Variants in ANKS1A observed in about 807,000 individuals in gnomAD.
ANKS1A encodes ankyrin repeat and sterile alpha motif domain containing 1A, also known as ankyrin repeat and SAM domain-containing protein 1A.
A neutral mutation model predicts 120.3 loss-of-function variants in ANKS1A; 55 were observed. The observed-to-expected ratio is 0.46, with a 90% confidence interval of 0.37 to 0.57. The LOEUF (loss-of-function observed/expected upper bound fraction) is 0.57, where lower values mean the gene tolerates loss of function less well. Ranked by LOEUF, ANKS1A falls within the 20% of genes least tolerant of loss-of-function variation. The pLI is 0.00. For synonymous variants in ANKS1A, 590 were observed against 604.7 expected, an observed-to-expected ratio of 0.98 and a Z score of 0.36; for missense variants, 1,123 against 1,480.3, an observed-to-expected ratio of 0.76 and a Z score of 3.96.
intron 13 of ANKS1A, 51 bp from the exon 14 acceptor site, chr6:35,078,507 C>T (rs1371888383): frequency 1.9e-6 from 3 of 1,567,994 alleles, no homozygotes; most frequent in Admixed American, 3.3e-5. Flanking sequence ...CCCTCAGGGC[C>T]ACCAGCCATC....
intron 1 of ANKS1A, among the ~76,000 whole-genome samples, chr6:34,938,788 G>A (rs1269696975): frequency 6.6e-6 from 1 of 152,144 alleles, no homozygotes; most frequent in Non-Finnish European, 1.5e-5. Flanking sequence ...AGGAGTTCAA[G>A]ACCAGCCTGG....
intron 1 of ANKS1A, among the ~76,000 whole-genome samples, chr6:34,906,867 C>T (rs1561840177): frequency 1.3e-5 from 2 of 152,218 alleles, no homozygotes; most frequent in African/African-American, 4.8e-5. Context: ...GACTTAGAAA[C>T]TGGCGTCCAA....
At chr6:35,053,612 A>G (rs1308998283) in intron 11 of ANKS1A, among the ~76,000 whole-genome samples, 1 of 152,234 alleles carries the variant, frequency 6.6e-6, no homozygotes, top group Non-Finnish European at 1.5e-5. Context: ...GCTTGTGGTC[A>G]TACAGTATCA....
At chr6:34,938,569 A>G (rs1308671046) in intron 1 of ANKS1A, among the ~76,000 whole-genome samples, 1 of 152,206 alleles carries the variant, frequency 6.6e-6, no homozygotes, top group Non-Finnish European at 1.5e-5. Context: ...TATTTTGGTC[A>G]AATTTGAACT....
rs1777929717 is a variant in ANKS1A, at chr6:35,085,716, T to G, written c.3133-50T>G. 1 of 1,531,592 alleles carries G rather than the reference T, an allele frequency of 6.5e-7. No homozygotes were observed. The allele number at this position is 1,531,592 out of a possible 1,614,324, so 94.9% of individuals were successfully genotyped here. A position where few individuals can be genotyped will look rare whatever the true frequency, so the allele number is the denominator to read the frequency against. ...CCTGCGAGGAAGGGCATATCCAGTG[T>G]GAAGCGGCTCCTGAACCAGGTGCTT... On this transcript the variant is annotated intron_variant, in intron 21 of 23. Coordinates refer to ENST00000360359, the MANE Select transcript of ANKS1A (RefSeq NM_015245.3). The surrounding 1 kb of genome is among the most constrained non-coding windows in gnomAD (Gnocchi z 4.7).
chr6:34,897,437 A>G (rs566340098), intron 1 of ANKS1A, among the ~76,000 whole-genome samples: 1 of 152,358 alleles, frequency 6.6e-6, no homozygotes, highest in South Asian at 2.1e-4. Flanking sequence ...TCATAGGGAA[A>G]GTAAATTACT....
In ANKS1A at chr6:34,889,351, C is replaced by A; in HGVS notation, c.-52C>A. ...GAGACGGAAAGTTTGGGAGCCCGAGCAGGCTCGGCTGCAGCCTCGGGGAGG... is the reference window on the plus strand; with the variant it reads ...GAGACGGAAAGTTTGGGAGCCCGAGAAGGCTCGGCTGCAGCCTCGGGGAGG... On this transcript the variant is annotated 5_prime_UTR_variant, in exon 1 of 24. Transcript: ENST00000360359. This position sits in a 1 kb window ranked among gnomAD's most constrained non-coding sequence, Gnocchi z 5.5. The A allele has an allele frequency of 1.6e-6, 2 of 1,239,606 alleles. No individual in the cohort carries two copies. Among genetic ancestry groups the A allele is most frequent in the Non-Finnish European group, 1.0e-6 (1 of 992,618 alleles). The allele number at this position is 1,239,606 out of a possible 1,614,324, so 76.8% of individuals were successfully genotyped here.
chr6:34,949,258 G>A (rs2127491396), intron 1 of ANKS1A, among the ~76,000 whole-genome samples: 1 of 152,302 alleles, frequency 6.6e-6, no homozygotes, highest in East Asian at 1.9e-4. Context: ...AGAACAGCCT[G>A]TACCAAGAGA....
At chr6:34,900,552 G>A (rs1480960270) in intron 1 of ANKS1A, among the ~76,000 whole-genome samples, 1 of 152,018 alleles carries the variant, frequency 6.6e-6, no homozygotes, top group African/African-American at 2.4e-5. Context: ...CAGCCTCCCA[G>A]AGTGTTAGAA....
At chr6:35,014,025 A>G (rs1243823904) in intron 10 of ANKS1A, among the ~76,000 whole-genome samples, 5 of 152,232 alleles carry the variant, frequency 3.3e-5, no homozygotes, top group Admixed American at 6.5e-5. Context: ...CCCCCAATTA[A>G]GATCCCAGAA....
At chr6:35,095,141 CA>C (rs34813964), downstream of ANKS1A, among the ~76,000 whole-genome samples, 19,072 of 81,166 alleles carry the variant, frequency 0.23, 1,207 homozygotes, top group African/African-American at 0.37. Flanking sequence ...ACCCCCATCT[CA>C]AAAAAAAAAA....
chr6:34,931,789 A>G (rs1388747559), intron 1 of ANKS1A, among the ~76,000 whole-genome samples: 1 of 152,204 alleles, frequency 6.6e-6, no homozygotes, highest in Non-Finnish European at 1.5e-5. Context: ...AGATGAACAC[A>G]TAGGTTGGCT....
rs1776280859 is a variant in ANKS1A at position 35,057,623 on chromosome 6, C to G, written c.2078-2524C>G. 1.3e-5 allele frequency among the ~76,000 whole-genome samples: 2 copies of G among 152,224 alleles called. No individual in the cohort carries two copies. The highest frequency in any genetic ancestry group is 1.3e-4 in the Admixed American group (2 of 15,290). On this transcript the variant is annotated intron_variant, in intron 12 of 23. Transcript: ENST00000360359. The surrounding 1 kb of genome is among the most constrained non-coding windows in gnomAD (Gnocchi z 4.1). ...CTTGGGATTTGGCCCTGGTTTCCCC[C>G]TTGCCCTTGGCCATCGCTGTCCTCC...
chr6:34,933,589 C>T (rs898420816), intron 1 of ANKS1A, among the ~76,000 whole-genome samples: 1 of 152,336 alleles, frequency 6.6e-6, no homozygotes, highest in South Asian at 2.1e-4. Context: ...AGGCTAGTTG[C>T]AAACTCCCGA....
At position 35,057,187 on chromosome 6, in the gene ANKS1A, C is replaced by T. The variant is rs1186912553; in HGVS notation, c.2078-2960C>T. 3.3e-5 allele frequency among the ~76,000 whole-genome samples: 5 copies of T among 152,104 alleles called. No individual in the cohort carries two copies. The highest frequency in any genetic ancestry group is 1.5e-5 in the Non-Finnish European group (1 of 68,028). On this transcript the variant is annotated intron_variant, in intron 12 of 23. Coordinates refer to ENST00000360359, the MANE Select transcript of ANKS1A (RefSeq NM_015245.3). This position sits in a 1 kb window ranked among gnomAD's most constrained non-coding sequence, Gnocchi z 4.1. ...AGTCTCAGTTCTGTTTTTAGGGCCA[C>T]AGGCCCCTGGGCTGCCACCACTGGA...
In ANKS1A at chr6:35,054,168, A is replaced by G; in HGVS notation, c.2077+3A>G. The stretch of plus-strand genomic sequence containing the variant: ...TCAGGAACGGCAGAAGATCTCAGGT[A>G]CCGTACTAAGTGGCCATTTTCCCCA... On this transcript the variant is annotated splice_donor_region_variant and intron_variant, in intron 12 of 23. Coordinates refer to ENST00000360359, the MANE Select transcript of ANKS1A (RefSeq NM_015245.3). 4 of 1,613,906 alleles carry G rather than the reference A, an allele frequency of 2.5e-6. No homozygotes were observed. Among genetic ancestry groups the G allele is most frequent in the Non-Finnish European group, 3.4e-6 (4 of 1,179,832 alleles).
intron 1 of ANKS1A, among the ~76,000 whole-genome samples, chr6:34,903,981 A>G (rs1767506762): frequency 1.3e-5 from 2 of 152,290 alleles, no homozygotes; most frequent in South Asian, 2.1e-4. Context: ...TGGCTGAAGA[A>G]CATTTTCTGA....
At position 35,011,326 on chromosome 6, in the gene ANKS1A, G is replaced by A. The variant is rs539730523; in HGVS notation, c.1424-6147G>A. 7.9e-5 allele frequency among the ~76,000 whole-genome samples: 12 copies of A among 152,260 alleles called. No individual in the cohort carries two copies. In the South Asian group the frequency reaches 2.5e-3, roughly 32 times the overall value. On this transcript the variant is annotated intron_variant, in intron 10 of 23. Coordinates refer to ENST00000360359, the MANE Select transcript of ANKS1A (RefSeq NM_015245.3). ...AAGAACTGGCAGAAGATCAAGGGGAGCAAAGACAGCAAATATGCTATTAAA... is the reference window on the plus strand; with the variant it reads ...AAGAACTGGCAGAAGATCAAGGGGAACAAAGACAGCAAATATGCTATTAAA...
chr6:34,940,248 T>C (rs1451627680), intron 1 of ANKS1A, among the ~76,000 whole-genome samples: 3 of 152,220 alleles, frequency 2.0e-5, no homozygotes, highest in Non-Finnish European at 4.4e-5. Context: ...CTCCTTATCT[T>C]GCGGAGCACT....
Sources: allele counts gnomAD v4.1 joint callset (sites outside exome capture counted in the v4.1 genomes callset), GRCh38; gene constraint gnomAD v4.1.1; non-coding constraint Gnocchi (gnomAD v3.1); transcripts MANE v1.5; gene names NCBI Gene and HGNC (gene_info 2026-07-23, HGNC 2026-07-21).